DLGAP2: variants seen among roughly 807,000 people sequenced by gnomAD.
DLGAP2 encodes disks large-associated protein 2.
Under a neutral mutation model 100.3 loss-of-function variants are expected in DLGAP2, and 26 were observed. That is an observed-to-expected ratio of 0.26 (90% confidence interval 0.19 to 0.36). DLGAP2 has a LOEUF of 0.36. Ranked by LOEUF, DLGAP2 falls within the 10% of genes least tolerant of loss-of-function variation. The pLI, the probability that DLGAP2 is intolerant of heterozygous loss-of-function variation, is 1.00. For missense variants in DLGAP2, 1,858 were observed against 1,453.2 expected, an observed-to-expected ratio of 1.28 and a Z score of -4.53; for synonymous variants, 886 against 630.1, an observed-to-expected ratio of 1.41 and a Z score of -6.08.
intron 1 of DLGAP2, among the ~76,000 whole-genome samples, chr8:900,701 C>G (rs931887122): frequency 4.6e-5 from 7 of 152,074 alleles, no homozygotes; most frequent in African/African-American, 1.4e-4. Flanking sequence ...GGCTGCAGCC[C>G]GAAAGGAGCA....
intron 4 of DLGAP2, among the ~76,000 whole-genome samples, chr8:1,502,063 T>C (rs180935160): frequency 1.6e-4 from 25 of 152,384 alleles, no homozygotes; most frequent in African/African-American, 5.8e-4. Flanking sequence ...AAATGTTGAA[T>C]ACATCTGACA....
At chr8:825,527 A>C (rs114378589) in intron 1 of DLGAP2, among the ~76,000 whole-genome samples, 248 of 152,304 alleles carry the variant, frequency 1.6e-3, no homozygotes, top group African/African-American at 5.8e-3. Context: ...AAACTTTGTT[A>C]GCATGAAGTT....
At chr8:1,523,022 G>C (rs1800660464) in intron 4 of DLGAP2, among the ~76,000 whole-genome samples, 1 of 152,214 alleles carries the variant, frequency 6.6e-6, no homozygotes, top group African/African-American at 2.4e-5. Flanking sequence ...GGGGCAGCTG[G>C]AGACTCACTG....
At position 926,966 on chromosome 8, in the gene DLGAP2, T is replaced by TG; in HGVS notation, c.73+19006dup. 3.1e-6 allele frequency: 3 copies of TG among 955,742 alleles called. No homozygotes were observed. The South Asian group carries it at 1.5e-4, about 46-fold the overall frequency. The allele number at this position is 955,742 out of a possible 1,614,324, so 59.2% of individuals were successfully genotyped here. A position where few individuals can be genotyped will look rare whatever the true frequency, so the allele number is the denominator to read the frequency against. On this transcript the variant is annotated intron_variant, in intron 2 of 14. Coordinates refer to ENST00000637795, the MANE Select transcript of DLGAP2 (RefSeq NM_001346810.2). ...CTGCGCTGTGGGGGTGGGGACAGCG[T>TG]GGGGGGAAGCCAGGAAAAGCCGGGG...
intron 1 of DLGAP2, among the ~76,000 whole-genome samples, chr8:758,434 T>C (rs1157942533): frequency 6.6e-6 from 1 of 152,164 alleles, no homozygotes; most frequent in Non-Finnish European, 1.5e-5. Flanking sequence ...AAAAGTAACA[T>C]TTGCGTATAG....
At chr8:1,440,293 C>G (rs1052454997) in intron 3 of DLGAP2, among the ~76,000 whole-genome samples, 1 of 152,134 alleles carries the variant, frequency 6.6e-6, no homozygotes, top group African/African-American at 2.4e-5. Flanking sequence ...CAGGGTGTTA[C>G]AGTTTATTGA....
intron 2 of DLGAP2, among the ~76,000 whole-genome samples, chr8:1,246,569 A>G (rs1225562288): frequency 2.0e-5 from 3 of 152,238 alleles, no homozygotes; most frequent in African/African-American, 7.2e-5. Context: ...TTTTACTGAG[A>G]TGCACAATGC....
chr8:753,580 G>A (rs1820846775), intron 1 of DLGAP2: 1 of 152,324 alleles, frequency 6.6e-6, no homozygotes, highest in Non-Finnish European at 1.5e-5. Flanking sequence ...ACAGATGCCT[G>A]GGGGAATGAA....
intron 1 of DLGAP2, among the ~76,000 whole-genome samples, chr8:888,541 C>G (rs987835282): frequency 5.3e-5 from 8 of 150,444 alleles, no homozygotes; most frequent in Non-Finnish European, 1.0e-4. Context: ...AGGCTGCTGA[C>G]CCTTGGATGG....
intron 2 of DLGAP2, among the ~76,000 whole-genome samples, chr8:947,335 C>T (rs1001379621): frequency 6.6e-6 from 1 of 152,174 alleles, no homozygotes; most frequent in Non-Finnish European, 1.5e-5. Flanking sequence ...GTCCTGGCAG[C>T]AGAGGGGTCC....
At position 1,069,409 on chromosome 8, in the gene DLGAP2, C is replaced by T. The variant is rs540242122; in HGVS notation, c.73+161443C>T. Among the ~76,000 whole-genome samples the T allele has an allele frequency of 1.1e-4, 17 of 152,250 alleles. 1 individual carries two copies. In the South Asian group the frequency reaches 3.1e-3, roughly 28 times the overall value. ...GGCTTCTCCCATGCCCTGGGTCCTC[C>T]GCACACTCCTGTCCTCTCAGCCCTT... On this transcript the variant is annotated intron_variant, in intron 2 of 14. Coordinates refer to ENST00000637795, the MANE Select transcript of DLGAP2 (RefSeq NM_001346810.2).
chr8:949,064 G>C (rs1330042272), intron 2 of DLGAP2, among the ~76,000 whole-genome samples: 1 of 152,238 alleles, frequency 6.6e-6, no homozygotes, highest in Non-Finnish European at 1.5e-5. Flanking sequence ...GGGCCCGTGG[G>C]CGTGACTGCC....
chr8:832,952 T>A (rs1796808466), intron 1 of DLGAP2, among the ~76,000 whole-genome samples: 1 of 152,164 alleles, frequency 6.6e-6, no homozygotes, highest in African/African-American at 2.4e-5. Flanking sequence ...GCCCCTCGTT[T>A]CTCTCACAAC....
intron 6 of DLGAP2, among the ~76,000 whole-genome samples, chr8:1,573,077 CATCT>C (rs2130610952): frequency 1.9e-5 from 1 of 51,890 alleles, no homozygotes. Flanking sequence ...ACTGTGGGGG[CATCT>C]GATGAGATGG....
At chr8:1,299,926 G>C (rs1020168695) in intron 3 of DLGAP2, 1 of 152,176 alleles carries the variant, frequency 6.6e-6, no homozygotes, top group African/African-American at 2.4e-5. Flanking sequence ...TTTTCTCACC[G>C]TTCTGGAGGC....
chr8:861,467 A>T (rs1482160868), intron 1 of DLGAP2, among the ~76,000 whole-genome samples: 2 of 152,156 alleles, frequency 1.3e-5, no homozygotes, highest in African/African-American at 4.8e-5. Context: ...TTTAACAGAA[A>T]CCAAGAGACC....
chr8:899,443 G>A (rs1046477216), intron 1 of DLGAP2, among the ~76,000 whole-genome samples: 18 of 152,214 alleles, frequency 1.2e-4, no homozygotes, highest in African/African-American at 4.3e-4. Context: ...TACCGGCCCT[G>A]CATGCAGAGG....
In DLGAP2 at chr8:774,974, C is replaced by T. The variant is rs1391218517; in HGVS notation, c.18+37149C>T. On this transcript the variant is annotated intron_variant, in intron 1 of 14. Transcript: ENST00000637795. ...ATTTTCACGATATTGATTCTTCCTA[C>T]CCATGAGCATGGAATGTTCTTCCAT... 3.3e-5 allele frequency among the ~76,000 whole-genome samples: 5 copies of T among 151,584 alleles called. No individual in the cohort carries two copies. In the East Asian group the frequency reaches 5.8e-4, roughly 18 times the overall value.
chr8:1,389,292 TGGAGGA>T (rs1307241410), intron 3 of DLGAP2, among the ~76,000 whole-genome samples: 1 of 138,264 alleles, frequency 7.2e-6, no homozygotes, highest in African/African-American at 3.3e-5. Flanking sequence ...GAGGGGACTC[TGGAGGA>T]GGAGGATGGG....
Sources: gnomAD v4.1 joint callset for allele counts (sites outside exome capture counted in the v4.1 genomes callset) on GRCh38, gnomAD v4.1.1 for gene constraint, MANE v1.5 for transcripts, NCBI Gene and HGNC (gene_info 2026-07-23, HGNC 2026-07-21) for gene names.